The following CRYAB variants were observed in gnomAD, a reference collection of about 807,000 sequenced individuals.
The protein encoded by CRYAB is alpha-crystallin B chain.
In CRYAB, 9 loss-of-function variants were observed where a neutral mutation model predicts 12.7. That is an observed-to-expected ratio of 0.71 (90% CI 0.43 to 1.24). CRYAB has a LOEUF of 1.24. CRYAB is among the 50% of genes most tolerant of loss of function. The pLI, the probability that CRYAB is intolerant of heterozygous loss-of-function variation, is 0.00. For missense variants in CRYAB, 183 were observed against 226.6 expected (o/e 0.81, Z 1.24); for synonymous variants, 93 against 86.8 (o/e 1.07, Z -0.40).
At chr11:111,923,131 G>A (rs1965726713) in intron 1 of CRYAB, among the ~76,000 whole-genome samples, 1 of 152,176 alleles carries the variant, frequency 6.6e-6, no homozygotes, top group East Asian at 1.9e-4. Context: ...AGTAACAAGT[G>A]GCAAAGAATT....
intron 1 of CRYAB, among the ~76,000 whole-genome samples, chr11:111,919,570 C>T (rs1438726801): frequency 1.3e-5 from 2 of 152,218 alleles, no homozygotes; most frequent in Non-Finnish European, 2.9e-5. Flanking sequence ...TCTGTGCCCT[C>T]TTCCTCCCTT....
intron 1 of CRYAB, chr11:111,918,955 C>T: frequency 6.2e-7 from 1 of 1,614,168 alleles, no homozygotes; most frequent in Non-Finnish European, 8.5e-7. Context: ...AGCTGGGCTC[C>T]CTTGGAGACA....
At chr11:111,912,962 C>A (rs1555165803), upstream of CRYAB, 7 of 1,479,542 alleles carry the variant, frequency 4.7e-6, no homozygotes, top group Admixed American at 2.0e-5. Flanking sequence ...CCCACCCCCA[C>A]CCCCTGAAAT....
Position 111,920,930 on chromosome 11 carries a change from T to A in CRYAB, c.-199+2773A>T, listed in dbSNP as rs76851368. 3.6e-3 allele frequency among the ~76,000 whole-genome samples: 545 copies of A among 152,346 alleles called. 2 individuals are homozygous for A. Among genetic ancestry groups the A allele is most frequent in the Non-Finnish European group, 5.5e-3 (371 of 68,022 alleles). Reference sequence around the variant, plus strand: ...AAAATGTAGATAATACATCCTACATTGTGTAGATCACAGGCTTATTTTGAA... The same window carrying A: ...AAAATGTAGATAATACATCCTACATAGTGTAGATCACAGGCTTATTTTGAA... On this transcript the variant is annotated intron_variant, in intron 1 of 3. Transcript: ENST00000527950.
chr11:111,908,564 T>A lies in CRYAB; in HGVS notation c.*200A>T, dbSNP rs1166567847. On this transcript the variant is annotated 3_prime_UTR_variant, in exon 3 of 3. Transcript: ENST00000650687. Reference sequence around the variant, plus strand: ...AAATCATAATGCAATCATAAATAGATCTGTGGTATCTGTATATTTATTTAA... The same window carrying A: ...AAATCATAATGCAATCATAAATAGAACTGTGGTATCTGTATATTTATTTAA... 1.4e-5 allele frequency: 8 copies of A among 582,222 alleles called. No individual in the cohort carries two copies. The African/African-American group carries it at 1.5e-4, about 11-fold the overall frequency. The allele number at this position is 582,222 out of a possible 1,614,324, so 36.1% of individuals were successfully genotyped here. A position where few individuals can be genotyped will look rare whatever the true frequency, so the allele number is the denominator to read the frequency against.
chr11:111,911,500 C>T (rs782447525), intron 1 of CRYAB, 24 bp downstream of exon 1: 18 of 1,593,944 alleles, frequency 1.1e-5, no homozygotes, highest in African/African-American at 8.0e-5. Context: ...AGGACTCTCC[C>T]GTCCTAGCTG....
At chr11:111,921,005 G>C (rs1566424740) in intron 1 of CRYAB, among the ~76,000 whole-genome samples, 1 of 151,990 alleles carries the variant, frequency 6.6e-6, no homozygotes, top group Non-Finnish European at 1.5e-5. Context: ...TTATCTGTGG[G>C]GTTGTTACTA....
intron 1 of CRYAB, chr11:111,910,852 T>C (rs1965431494): frequency 1.2e-5 from 4 of 321,952 alleles, no homozygotes; most frequent in South Asian, 1.2e-4. Context: ...AATGTTCTGC[T>C]GGTCCTGCTT....
chr11:111,910,314 A>T lies in CRYAB; in HGVS notation c.324+13T>A. On this transcript the variant is annotated intron_variant, in intron 2 of 2. Coordinates refer to ENST00000650687, the MANE Select transcript of CRYAB (RefSeq NM_001289808.2). ...GAATGAATGAGCAGAAAACAAAAAA[A>T]CAAGCTACATACCTGGCGCTCTTCA... 1 of 1,614,184 alleles carries T rather than the reference A, an allele frequency of 6.2e-7. No individual in the cohort carries two copies. Among genetic ancestry groups the T allele is most frequent in the African/African-American group, 1.3e-5 (1 of 75,058 alleles).
rs1178917337 is a variant in CRYAB, at chr11:111,911,701, G to A, written c.24C>T (p.Pro8=). 1.9e-6 allele frequency: 3 copies of A among 1,594,748 alleles called. No homozygotes were observed. Among genetic ancestry groups the A allele is most frequent in the East Asian group, 2.3e-5 (1 of 44,274 alleles). Residue 8 remains proline, a synonymous_variant, in exon 1 of 3, where the codon CCC becomes CCT. Transcript: ENST00000650687. ...AAGGAAAGAAGGGGCGGCGGATCCA[G>A]GGGTGGTGGATGGCGATGTCCATGG... The part of the protein sequence containing the change: MDIAIHH[P]WIRRPFFPFH...
chr11:111,911,873 A>G (rs1555165643), upstream of CRYAB: 1 of 637,300 alleles, frequency 1.6e-6, no homozygotes, highest in Non-Finnish European at 2.8e-6. Flanking sequence ...GTTCATGGAG[A>G]CTTGTGATCC....
At chr11:111,911,802 C>T, upstream of CRYAB, 1 of 978,458 alleles carries the variant, frequency 1.0e-6, no homozygotes, top group Non-Finnish European at 1.6e-6. Context: ...CTTATATATG[C>T]AGTCTTGTGA....
chr11:111,913,686 TC>T, upstream of CRYAB: 1 of 1,614,142 alleles, frequency 6.2e-7, no homozygotes, highest in Non-Finnish European at 8.5e-7. Flanking sequence ...CGGCTTCGTG[TC>T]CCGAGAGTTC....
upstream of CRYAB, chr11:111,912,681 T>TCCCCCCCCCCCCCCCCCCCCC: frequency 4.4e-6 from 1 of 228,614 alleles, no homozygotes; most frequent in Non-Finnish European, 8.8e-6. Flanking sequence ...TCCCAGCCCC[T>TCCCCCCCCCCCCCCCCCCCCC]CCCCCCCCAA....
chr11:111,916,800 T>C (rs587728923), upstream of CRYAB, among the ~76,000 whole-genome samples: 89 of 152,298 alleles, frequency 5.8e-4, 1 homozygote, highest in South Asian at 4.4e-3. Context: ...TTGGAGTTTC[T>C]GGTCATCTAA....
At chr11:111,914,443 T>C (rs587684988), upstream of CRYAB, among the ~76,000 whole-genome samples, 41 of 152,216 alleles carry the variant, frequency 2.7e-4, 1 homozygote, top group Admixed American at 2.4e-3. Flanking sequence ...GGGAAAATGG[T>C]TTTTGGCTGG....
upstream of CRYAB, chr11:111,912,075 G>T (rs1009985677): frequency 3.5e-6 from 1 of 282,632 alleles, no homozygotes; most frequent in South Asian, 4.7e-5. Context: ...GGCACGCGGG[G>T]TGGGGGGAGG....
At chr11:111,916,307 T>C (rs898178994), upstream of CRYAB, among the ~76,000 whole-genome samples, 18 of 151,682 alleles carry the variant, frequency 1.2e-4, no homozygotes, top group African/African-American at 3.2e-4. Context: ...CTCCCCTCAC[T>C]GCAACCTCCT....
chr11:111,918,378 C>A (rs1555166236), intron 1 of CRYAB, among the ~76,000 whole-genome samples: 1 of 152,076 alleles, frequency 6.6e-6, no homozygotes, highest in East Asian at 1.9e-4. Flanking sequence ...GAAACTTAGG[C>A]CCTATAAAGG....
Sources: allele counts gnomAD v4.1 joint callset (sites outside exome capture counted in the v4.1 genomes callset), GRCh38; gene constraint gnomAD v4.1.1; transcripts MANE v1.5; gene names NCBI Gene and HGNC (gene_info 2026-07-23, HGNC 2026-07-21).